LRRC4C: variants seen among roughly 807,000 people sequenced by gnomAD.
The protein encoded by LRRC4C is leucine-rich repeat-containing protein 4C.
LRRC4C carries 5 observed loss-of-function variants against 33.6 expected under a neutral mutation model. The ratio of observed to expected loss-of-function variants is 0.15; its 90% CI spans 0.08 to 0.31. The LOEUF is 0.31. LRRC4C is among the 10% of genes least tolerant of loss of function. The probability of loss-of-function intolerance (pLI) is 1.00; values close to 1 mark genes in which losing one functional copy is unlikely to be tolerated. For synonymous variants in LRRC4C, 329 were observed against 302.0 expected, an observed-to-expected ratio of 1.09 and a Z score of -0.93; for missense variants, 560 against 796.7, an observed-to-expected ratio of 0.70 and a Z score of 3.58.
chr11:40,866,876 C>A (rs572421936), intron 2 of LRRC4C, among the ~76,000 whole-genome samples: 1 of 152,206 alleles, frequency 6.6e-6, no homozygotes, highest in South Asian at 2.1e-4. Flanking sequence ...CCTCACAGAC[C>A]ATTTTGCATT....
intron 5 of LRRC4C, among the ~76,000 whole-genome samples, chr11:40,170,427 T>G (rs997997599): frequency 2.6e-5 from 4 of 152,058 alleles, no homozygotes; most frequent in African/African-American, 4.8e-5. Flanking sequence ...AATTACATCT[T>G]TGGTGAAAGT....
At chr11:40,640,642 T>TA (rs1267382939) in intron 3 of LRRC4C, among the ~76,000 whole-genome samples, 1 of 152,162 alleles carries the variant, frequency 6.6e-6, no homozygotes, top group African/African-American at 2.4e-5. Context: ...TTTTGTTTCA[T>TA]AATACCAATA....
At chr11:40,736,255 C>T (rs1245841816) in intron 2 of LRRC4C, among the ~76,000 whole-genome samples, 1 of 151,938 alleles carries the variant, frequency 6.6e-6, no homozygotes, top group Non-Finnish European at 1.5e-5. Context: ...TAAGTGAGAA[C>T]ATGCAGTGTT....
chr11:41,084,608 G>A (rs945007719), intron 1 of LRRC4C, among the ~76,000 whole-genome samples: 2 of 152,094 alleles, frequency 1.3e-5, no homozygotes, highest in Non-Finnish European at 2.9e-5. Flanking sequence ...CAGCACTTTG[G>A]GAGGCCGAGG....
intron 1 of LRRC4C, among the ~76,000 whole-genome samples, chr11:41,155,809 C>T (rs1944206749): frequency 6.6e-6 from 1 of 152,072 alleles, no homozygotes; most frequent in African/African-American, 2.4e-5. Flanking sequence ...TTCTCGATCC[C>T]CCTAAATTCA....
intron 3 of LRRC4C, among the ~76,000 whole-genome samples, chr11:40,559,270 C>A (rs1458060350): frequency 6.6e-6 from 1 of 151,246 alleles, no homozygotes; most frequent in Non-Finnish European, 1.5e-5. Context: ...GCAACCCCTG[C>A]CTCCCAGGCT....
At chr11:40,342,664 G>A (rs1211120220) in intron 3 of LRRC4C, among the ~76,000 whole-genome samples, 2 of 152,026 alleles carry the variant, frequency 1.3e-5, no homozygotes, top group African/African-American at 4.8e-5. Flanking sequence ...TGAAACACTG[G>A]CTGGCATAAT....
At chr11:41,245,800 G>T (rs945190748) in intron 1 of LRRC4C, among the ~76,000 whole-genome samples, 1 of 152,328 alleles carries the variant, frequency 6.6e-6, no homozygotes, top group Non-Finnish European at 1.5e-5. Context: ...TGGAGGGTGA[G>T]CAAGGTGAAG....
chr11:40,904,778 A>C (rs1412896264), intron 2 of LRRC4C, among the ~76,000 whole-genome samples: 1 of 152,042 alleles, frequency 6.6e-6, no homozygotes, highest in Admixed American at 6.6e-5. Context: ...TCCTTCCCAA[A>C]CTAAAGTCCT....
intron 3 of LRRC4C, among the ~76,000 whole-genome samples, chr11:40,617,005 A>G (rs1227585986): frequency 2.0e-5 from 3 of 151,662 alleles, no homozygotes; most frequent in Non-Finnish European, 4.4e-5. Context: ...TCAGAAAATT[A>G]CATGACAGAT....
intron 1 of LRRC4C, among the ~76,000 whole-genome samples, chr11:41,301,329 G>T (rs906069239): frequency 7.2e-5 from 11 of 152,158 alleles, no homozygotes; most frequent in Non-Finnish European, 1.2e-4. Context: ...CTTTCTATGA[G>T]AACCTAGTTG....
At chr11:40,256,816 A>G (rs902790606) in intron 4 of LRRC4C, among the ~76,000 whole-genome samples, 1 of 152,156 alleles carries the variant, frequency 6.6e-6, no homozygotes, top group African/African-American at 2.4e-5. Context: ...TTGTGCTCCT[A>G]GGTACTCTGG....
intron 3 of LRRC4C, among the ~76,000 whole-genome samples, chr11:40,371,857 ATTTG>A (rs1948464339): frequency 6.6e-6 from 1 of 152,172 alleles, no homozygotes; most frequent in South Asian, 2.1e-4. Context: ...CTGGGAAAAT[ATTTG>A]TTTTTCATTT....
chr11:41,148,486 G>T (rs1173363538), intron 1 of LRRC4C, among the ~76,000 whole-genome samples: 2 of 152,102 alleles, frequency 1.3e-5, no homozygotes, highest in Non-Finnish European at 2.9e-5. Flanking sequence ...GATTTTGAGG[G>T]GTGGAGGGTG....
intron 2 of LRRC4C, among the ~76,000 whole-genome samples, chr11:40,696,037 A>ATG (rs1412849754): frequency 1.5e-5 from 2 of 133,892 alleles, no homozygotes; most frequent in African/African-American, 7.4e-5. Context: ...GTGTGTATAT[A>ATG]TATATGTGTG....
At chr11:40,283,539 T>C (rs185287249) in intron 4 of LRRC4C, among the ~76,000 whole-genome samples, 72 of 152,182 alleles carry the variant, frequency 4.7e-4, no homozygotes, top group Middle Eastern at 6.8e-3. Context: ...TAATGGCCTA[T>C]ATCACTAACT....
intron 1 of LRRC4C, among the ~76,000 whole-genome samples, chr11:41,106,042 A>G (rs1386554268): frequency 6.6e-6 from 1 of 152,068 alleles, no homozygotes; most frequent in Non-Finnish European, 1.5e-5. Flanking sequence ...CAAAAAACAC[A>G]TTTAGCCCAA....
At chr11:40,220,428 C>T (rs1033684272) in intron 5 of LRRC4C, among the ~76,000 whole-genome samples, 9 of 152,116 alleles carry the variant, frequency 5.9e-5, no homozygotes, top group African/African-American at 1.7e-4. Context: ...CATAGATATG[C>T]GATTGCCTTG....
intron 3 of LRRC4C, among the ~76,000 whole-genome samples, chr11:40,534,755 A>C (rs549888181): frequency 6.6e-6 from 1 of 152,338 alleles, no homozygotes; most frequent in African/African-American, 2.4e-5. Flanking sequence ...AACCTGCTGA[A>C]TCAAACCCTT....
Sources: gnomAD v4.1 joint callset for allele counts (sites outside exome capture counted in the v4.1 genomes callset) on GRCh38, gnomAD v4.1.1 for gene constraint, MANE v1.5 for transcripts, NCBI Gene and HGNC (gene_info 2026-07-23, HGNC 2026-07-21) for gene names.